The following SPMIP2 variants were observed in gnomAD, a reference collection of about 807,000 sequenced individuals.
SPMIP2 encodes protein SPMIP2.
the SPMIP2 span, among the ~76,000 whole-genome samples, chr4:158,931,523 C>T: frequency 6.6e-6 from 1 of 151,930 alleles, no homozygotes; most frequent in Non-Finnish European, 1.5e-5. Context: ...TCCCAAAGTA[C>T]TGGGATAATA....
the SPMIP2 span, among the ~76,000 whole-genome samples, chr4:158,998,010 G>A: frequency 5.6e-3 from 852 of 152,058 alleles, 7 homozygotes; most frequent in African/African-American, 0.02. Flanking sequence ...TTTTTTTAAA[G>A]GTCAGATAGT....
At chr4:159,002,766 G>GCA in the SPMIP2 span, among the ~76,000 whole-genome samples, 9,709 of 147,950 alleles carry the variant, frequency 0.066, 378 homozygotes, top group South Asian at 0.14. Flanking sequence ...ACATATCACT[G>GCA]CACACACACA....
At chr4:158,922,765 C>G in the SPMIP2 span, among the ~76,000 whole-genome samples, 16 of 152,192 alleles carry the variant, frequency 1.1e-4, no homozygotes, top group Non-Finnish European at 1.8e-4. Flanking sequence ...TCCCCTTCCT[C>G]CAGCCCCTAG....
the SPMIP2 span, among the ~76,000 whole-genome samples, chr4:159,082,455 G>GTT: frequency 6.8e-6 from 1 of 146,036 alleles, no homozygotes; most frequent in African/African-American, 2.5e-5. Context: ...TTCTCTGTGT[G>GTT]TGTGTGTGTG....
the SPMIP2 span, among the ~76,000 whole-genome samples, chr4:159,018,115 C>T: frequency 6.6e-6 from 1 of 152,172 alleles, no homozygotes; most frequent in Admixed American, 6.5e-5. Context: ...TGCCTTTCAA[C>T]ATGGGGCTAA....
chr4:159,044,539 C>A, the SPMIP2 span, among the ~76,000 whole-genome samples: 4 of 151,224 alleles, frequency 2.6e-5, no homozygotes, highest in South Asian at 8.4e-4. Context: ...GAAATAATGT[C>A]GTGGTGGAGA....
At chr4:159,075,416 T>C in the SPMIP2 span, among the ~76,000 whole-genome samples, 1 of 152,184 alleles carries the variant, frequency 6.6e-6, no homozygotes, top group Non-Finnish European at 1.5e-5. Flanking sequence ...TCCTTTAACA[T>C]TTTTTTCTAA....
the SPMIP2 span, among the ~76,000 whole-genome samples, chr4:159,053,255 C>T: frequency 6.6e-6 from 1 of 152,136 alleles, no homozygotes; most frequent in African/African-American, 2.4e-5. Context: ...CGCGCCCGGC[C>T]GACTATTATT....
the SPMIP2 span, among the ~76,000 whole-genome samples, chr4:159,064,782 G>T: frequency 6.6e-6 from 1 of 151,982 alleles, no homozygotes; most frequent in African/African-American, 2.4e-5. Flanking sequence ...TCATTAAAAG[G>T]CCTTAGTCTA....
the SPMIP2 span, among the ~76,000 whole-genome samples, chr4:159,009,563 T>C: frequency 1.3e-5 from 2 of 152,212 alleles, no homozygotes; most frequent in Non-Finnish European, 2.9e-5. Context: ...ATTTATATAT[T>C]CCTAGAATCA....
At chr4:159,068,842 C>A in the SPMIP2 span, among the ~76,000 whole-genome samples, 3 of 152,068 alleles carry the variant, frequency 2.0e-5, no homozygotes, top group Non-Finnish European at 2.9e-5. Context: ...ATTTACAAAG[C>A]AATGATAATT....
At chr4:158,956,138 T>G in the SPMIP2 span, among the ~76,000 whole-genome samples, 5 of 152,256 alleles carry the variant, frequency 3.3e-5, no homozygotes, top group African/African-American at 1.2e-4. Flanking sequence ...CTCCTTTTCT[T>G]CTTCAGTGGC....
At chr4:158,954,821 G>A in the SPMIP2 span, among the ~76,000 whole-genome samples, 1 of 152,176 alleles carries the variant, frequency 6.6e-6, no homozygotes, top group Non-Finnish European at 1.5e-5. Flanking sequence ...GTAATGGTGA[G>A]TAGCTCCTGC....
At chr4:159,047,373 GATTA>G in the SPMIP2 span, among the ~76,000 whole-genome samples, 2 of 151,788 alleles carry the variant, frequency 1.3e-5, no homozygotes, top group Non-Finnish European at 2.9e-5. Flanking sequence ...GACTTTTCTT[GATTA>G]ATTTTGTATT....
At chr4:158,896,549 A>C in the SPMIP2 span, among the ~76,000 whole-genome samples, 1 of 152,148 alleles carries the variant, frequency 6.6e-6, no homozygotes, top group African/African-American at 2.4e-5. Context: ...CACTTGGGAG[A>C]AGAAAATATT....
chr4:158,948,605 T>C, the SPMIP2 span, among the ~76,000 whole-genome samples: 20,388 of 150,994 alleles, frequency 0.14, 2,821 homozygotes, highest in African/African-American at 0.36. Flanking sequence ...TTTTTTTTTT[T>C]CAATTCACAT....
chr4:159,029,309 G>A, the SPMIP2 span, among the ~76,000 whole-genome samples: 2 of 152,156 alleles, frequency 1.3e-5, no homozygotes, highest in African/African-American at 4.8e-5. Context: ...GATTGACTGG[G>A]AAAGGACATA....
At chr4:159,041,120 T>G in the SPMIP2 span, among the ~76,000 whole-genome samples, 1 of 152,208 alleles carries the variant, frequency 6.6e-6, no homozygotes, top group African/African-American at 2.4e-5. Flanking sequence ...TATTTGAATT[T>G]GCAACACCAG....
At chr4:158,917,008 T>C in the SPMIP2 span, among the ~76,000 whole-genome samples, 3 of 152,014 alleles carry the variant, frequency 2.0e-5, no homozygotes, top group African/African-American at 7.2e-5. Context: ...CCCAGCACTT[T>C]GGGAAGCTCA....
Sources: allele counts gnomAD v4.1 joint callset (sites outside exome capture counted in the v4.1 genomes callset), GRCh38; gene constraint gnomAD v4.1.1; transcripts MANE v1.5; gene names NCBI Gene and HGNC (gene_info 2026-07-23, HGNC 2026-07-21).